ZNF804A: variants seen among roughly 807,000 people sequenced by gnomAD.
ZNF804A encodes zinc finger protein 804A.
A neutral mutation model predicts 16.5 loss-of-function variants in ZNF804A; 2 were observed. That is an observed-to-expected ratio of 0.12 (90% CI 0.05 to 0.38). The LOEUF is 0.38. Among genes scored for constraint, ZNF804A ranks in the 10% least tolerant of loss-of-function variants. ZNF804A has a pLI of 0.99. For synonymous variants in ZNF804A, 534 were observed against 489.6 expected, an observed-to-expected ratio of 1.09 and a Z score of -1.20; for missense variants, 1,473 against 1,390.7, an observed-to-expected ratio of 1.06 and a Z score of -0.94.
chr2:184,846,285 C>A (rs1695515792), intron 1 of ZNF804A, among the ~76,000 whole-genome samples: 1 of 152,086 alleles, frequency 6.6e-6, no homozygotes, highest in Non-Finnish European at 1.5e-5. Context: ...GTAAACCATC[C>A]TGCCTTACCC....
At chr2:184,778,971 A>C (rs1694332956) in intron 1 of ZNF804A, among the ~76,000 whole-genome samples, 1 of 151,698 alleles carries the variant, frequency 6.6e-6, no homozygotes, top group African/African-American at 2.4e-5. Flanking sequence ...TAGGGTAGTA[A>C]ATTTAATAAA....
chr2:184,664,592 A>T, intron 1 of ZNF804A, among the ~76,000 whole-genome samples: 1 of 152,134 alleles, frequency 6.6e-6, no homozygotes, highest in South Asian at 2.1e-4. Context: ...GAGAAATTTA[A>T]TTTTTTTTCT....
In ZNF804A at chr2:184,937,500, G is replaced by A. The variant is rs756919775; in HGVS notation, c.2104G>A (p.Gly702Arg). The stretch of plus-strand genomic sequence containing the variant: ...TAAAAAGAACACAATACTTTTAAAT[G>A]GACAATCAAATGCAACAATGATACA... Reference protein sequence around the residue: ...HCKKNTILLNGQSNATMIHSG... With the variant: ...HCKKNTILLNRQSNATMIHSG... Residue 702 changes from glycine (G) to arginine (R), a missense_variant, in exon 4 of 4, where the codon GGA becomes AGA. Coordinates refer to ENST00000302277, the MANE Select transcript of ZNF804A (RefSeq NM_194250.2). 1.1e-5 allele frequency: 18 copies of A among 1,611,972 alleles called. No homozygotes were observed. The East Asian group carries it at 4.0e-4, about 36-fold the overall frequency.
chr2:184,742,059 A>G (rs999170767), intron 1 of ZNF804A, among the ~76,000 whole-genome samples: 7 of 152,066 alleles, frequency 4.6e-5, no homozygotes, highest in Non-Finnish European at 7.4e-5. Flanking sequence ...ATTCTTATCA[A>G]TAAGATATAA....
intron 2 of ZNF804A, among the ~76,000 whole-genome samples, chr2:184,879,250 A>C (rs1196625388): frequency 6.6e-6 from 1 of 152,032 alleles, no homozygotes. Flanking sequence ...TAAATAATTG[A>C]TATCTCCATG....
chr2:184,916,717 G>A (rs921271016), intron 2 of ZNF804A, among the ~76,000 whole-genome samples: 10 of 152,074 alleles, frequency 6.6e-5, no homozygotes, highest in East Asian at 1.9e-4. Context: ...GCATGGTGGC[G>A]TGTGCCTATA....
intron 1 of ZNF804A, among the ~76,000 whole-genome samples, chr2:184,798,006 ATGTGTGTGTGTGTGTGTGTGTGTG>A (rs58199746): frequency 1.5e-5 from 2 of 133,256 alleles, no homozygotes; most frequent in African/African-American, 2.8e-5. Context: ...TGGCTGATAT[ATGTGTGTGTGTGTGTGTGTGTGTG>A]TGTGTGTGTG....
chr2:184,829,296 A>G (rs2105794638), intron 1 of ZNF804A, among the ~76,000 whole-genome samples: 1 of 152,080 alleles, frequency 6.6e-6, no homozygotes, highest in South Asian at 2.1e-4. Flanking sequence ...TAATGTGAGA[A>G]GTATGTTAGA....
intron 1 of ZNF804A, among the ~76,000 whole-genome samples, chr2:184,719,491 A>G (rs1229874472): frequency 6.6e-6 from 1 of 152,158 alleles, no homozygotes; most frequent in East Asian, 1.9e-4. Context: ...AAATTTTCGG[A>G]ACTTTTATGT....
chr2:184,645,993 G>C (rs890812047), intron 1 of ZNF804A, among the ~76,000 whole-genome samples: 4 of 152,150 alleles, frequency 2.6e-5, no homozygotes, highest in African/African-American at 9.7e-5. Flanking sequence ...TCAAGTCCTG[G>C]AGTGAACTTG....
chr2:184,869,225 C>G (rs1336307682), intron 2 of ZNF804A, among the ~76,000 whole-genome samples: 1 of 151,974 alleles, frequency 6.6e-6, no homozygotes, highest in Non-Finnish European at 1.5e-5. Context: ...ATTTGGCCTT[C>G]AAATTCCTAA....
At position 184,850,582 on chromosome 2, in the gene ZNF804A, T is replaced by C. The variant is rs185416292; in HGVS notation, c.112-15787T>C. 9.9e-3 allele frequency among the ~76,000 whole-genome samples: 1,501 copies of C among 151,824 alleles called. 9 individuals carry two copies. The highest frequency in any genetic ancestry group is 0.016 in the Admixed American group (243 of 15,190). The stretch of plus-strand genomic sequence containing the variant: ...AATCAGAATTTAGCAAATGATGTTT[T>C]TCTCTTTCTTTCTTTTTTTTTTAAC... On this transcript the variant is annotated intron_variant, in intron 1 of 3. Coordinates refer to ENST00000302277, the MANE Select transcript of ZNF804A (RefSeq NM_194250.2).
chr2:184,914,939 T>C (rs1229558239), intron 2 of ZNF804A, among the ~76,000 whole-genome samples: 1 of 151,704 alleles, frequency 6.6e-6, no homozygotes, highest in East Asian at 1.9e-4. Flanking sequence ...TTGTGAATGT[T>C]CAATGAATTG....
intron 1 of ZNF804A, among the ~76,000 whole-genome samples, chr2:184,790,976 T>C (rs1024994686): frequency 6.6e-6 from 1 of 152,212 alleles, no homozygotes; most frequent in Non-Finnish European, 1.5e-5. Context: ...CTGTTTTATC[T>C]GATATAAGAA....
At chr2:184,911,076 C>A (rs1685348695) in intron 2 of ZNF804A, among the ~76,000 whole-genome samples, 1 of 151,862 alleles carries the variant, frequency 6.6e-6, no homozygotes, top group Non-Finnish European at 1.5e-5. Flanking sequence ...ATGGTGTTTA[C>A]CAGGTTTTCT....
intron 1 of ZNF804A, among the ~76,000 whole-genome samples, chr2:184,852,706 TC>T (rs1695625609): frequency 6.6e-6 from 1 of 151,824 alleles, no homozygotes; most frequent in Non-Finnish European, 1.5e-5. Context: ...GAACAGACTA[TC>T]CTTTCCCCAT....
intron 1 of ZNF804A, among the ~76,000 whole-genome samples, chr2:184,840,316 G>A (rs993913425): frequency 3.9e-5 from 6 of 152,044 alleles, no homozygotes; most frequent in Admixed American, 1.3e-4. Flanking sequence ...CCTGGGAGGC[G>A]GATGATGCAG....
intron 1 of ZNF804A, among the ~76,000 whole-genome samples, chr2:184,830,744 A>C (rs532828915): frequency 6.6e-6 from 1 of 152,182 alleles, no homozygotes; most frequent in East Asian, 1.9e-4. Flanking sequence ...GATATTTCAT[A>C]ATGAGTCACC....
chr2:184,765,605 A>AC (rs148315108), intron 1 of ZNF804A, among the ~76,000 whole-genome samples: 4,559 of 55,960 alleles, frequency 0.081, 143 homozygotes, highest in African/African-American at 0.14. Context: ...CCTCACATGC[A>AC]CCCCCCCCCC....
Sources: allele counts gnomAD v4.1 joint callset (sites outside exome capture counted in the v4.1 genomes callset), GRCh38; gene constraint gnomAD v4.1.1; transcripts MANE v1.5; gene names NCBI Gene and HGNC (gene_info 2026-07-23, HGNC 2026-07-21).